The following ANK1 variants were observed in gnomAD, a reference collection of about 807,000 sequenced individuals.
The protein encoded by ANK1 is ankyrin 1, also known as ankyrin-1.
In ANK1, 51 loss-of-function variants were observed where a neutral mutation model predicts 210.4. The ratio of observed to expected loss-of-function variants is 0.24; its 90% CI spans 0.19 to 0.31. The LOEUF (loss-of-function observed/expected upper bound fraction) is 0.31, where lower values mean the gene tolerates loss of function less well. Ranked by LOEUF, ANK1 falls within the 10% of genes least tolerant of loss-of-function variation. The pLI, the probability that ANK1 is intolerant of heterozygous loss-of-function variation, is 1.00. For synonymous variants in ANK1, 967 were observed against 1,025.9 expected, an observed-to-expected ratio of 0.94 and a Z score of 1.10; for missense variants, 2,051 against 2,504.4, an observed-to-expected ratio of 0.82 and a Z score of 3.86.
chr8:41,711,287 A>G (rs1329859113), intron 16 of ANK1, among the ~76,000 whole-genome samples: 1 of 152,178 alleles, frequency 6.6e-6, no homozygotes, highest in African/African-American at 2.4e-5. Flanking sequence ...TAAAACCCTA[A>G]GCCCCACACA....
At chr8:41,864,553 T>C (rs1813965820) in intron 1 of ANK1, among the ~76,000 whole-genome samples, 1 of 152,204 alleles carries the variant, frequency 6.6e-6, no homozygotes, top group South Asian at 2.1e-4. Flanking sequence ...CAGAATTTAC[T>C]GACTGGTAAC....
chr8:41,660,106 C>A (rs1807416272), intron 42 of ANK1, among the ~76,000 whole-genome samples: 1 of 152,138 alleles, frequency 6.6e-6, no homozygotes, highest in Admixed American at 6.5e-5. Flanking sequence ...TACTCAGAGT[C>A]TTCTAAACCA....
At chr8:41,749,730 A>G (rs895770343) in intron 2 of ANK1, among the ~76,000 whole-genome samples, 2 of 151,980 alleles carry the variant, frequency 1.3e-5, no homozygotes, top group African/African-American at 2.4e-5. Flanking sequence ...CTCTTGCCTC[A>G]GCCTCCTGAG....
intron 1 of ANK1, among the ~76,000 whole-genome samples, chr8:41,843,661 A>G (rs1809464294): frequency 6.6e-6 from 1 of 152,182 alleles, no homozygotes; most frequent in African/African-American, 2.4e-5. Context: ...AGGGACTGGC[A>G]GACACTAACT....
At chr8:41,714,356 T>C (rs1477277384) in intron 15 of ANK1, 102 bp from the exon 16 acceptor site, 6 of 896,518 alleles carry the variant, frequency 6.7e-6, no homozygotes, top group South Asian at 5.7e-5. Context: ...AGTAAAATCC[T>C]GTTTAAAATC....
Position 41,774,760 on chromosome 8 carries a change from C to A in ANK1, c.28-16623G>T, listed in dbSNP as rs78079105. ...CCGCATCACCAAGCACCCTGGCCCA[C>A]GCCGCAGAGCATGCCACATTTCCCC... On this transcript the variant is annotated intron_variant, in intron 1 of 42. Coordinates refer to ENST00000289734, the MANE Select transcript of ANK1 (RefSeq NM_000037.4). 1.0e-2 allele frequency among the ~76,000 whole-genome samples: 1,516 copies of A among 152,360 alleles called. 14 individuals are homozygous for A. Among genetic ancestry groups the A allele is most frequent in the Non-Finnish European group, 0.015 (1,040 of 68,034 alleles).
chr8:41,784,216 A>C (rs1298392600), intron 1 of ANK1, among the ~76,000 whole-genome samples: 1 of 152,060 alleles, frequency 6.6e-6, no homozygotes, highest in Non-Finnish European at 1.5e-5. Flanking sequence ...AGCTTTGAAC[A>C]CTTCACTATA....
chr8:41,811,245 C>A (rs1802438876), intron 1 of ANK1, among the ~76,000 whole-genome samples: 2 of 152,254 alleles, frequency 1.3e-5, no homozygotes, highest in Admixed American at 6.5e-5. Context: ...AGGAAGGGAG[C>A]GGGGGTTTCA....
chr8:41,871,774 C>T lies in ANK1; in HGVS notation c.126+24581G>A, dbSNP rs1027319073. ...TTATGCCAGCCCTAGCAAGCTAAGA[C>T]GCCATGCATCTCAGCTCTGATAGAA... is the stretch of plus-strand genomic sequence containing the variant. On this transcript the variant is annotated intron_variant, in intron 1 of 42. Transcript: ENST00000265709. 3.3e-5 allele frequency among the ~76,000 whole-genome samples: 5 copies of T among 152,352 alleles called. No homozygotes were observed. In the South Asian group the frequency reaches 6.2e-4, roughly 19 times the overall value.
intron 13 of ANK1, among the ~76,000 whole-genome samples, chr8:41,716,260 TTG>T (rs1474811207): frequency 1.3e-5 from 2 of 151,970 alleles, no homozygotes; most frequent in East Asian, 1.9e-4. Context: ...GTGGATGCGC[TTG>T]TCTTTCTGCT....
chr8:41,758,640 C>A (rs1213563356), intron 1 of ANK1, among the ~76,000 whole-genome samples: 3 of 152,108 alleles, frequency 2.0e-5, no homozygotes, highest in Non-Finnish European at 4.4e-5. Flanking sequence ...CCGTGCCTGG[C>A]CCCCTTTTGG....
chr8:41,661,546 C>T lies in ANK1; in HGVS notation c.5563G>A (p.Gly1855Ser). 6.2e-7 allele frequency: 1 copy of T among 1,614,014 alleles called. No homozygotes were observed. Among genetic ancestry groups the T allele is most frequent in the South Asian group, 1.1e-5 (1 of 91,074 alleles). Residue 1855 changes from glycine (G) to serine (S), a missense_variant, in exon 42 of 43, where the codon GGC becomes AGC. Coordinates refer to ENST00000289734, the MANE Select transcript of ANK1 (RefSeq NM_000037.4). ...CCCTCTATCAGGTCCGGCTGTAGGC[C>T]ACTCCCTCTCAGCTCCACCTGCAGA... ...EHEEVELRGS[G>S]LQPDLIEGRK...
At chr8:41,811,453 C>T (rs1234439423) in intron 1 of ANK1, among the ~76,000 whole-genome samples, 1 of 152,232 alleles carries the variant, frequency 6.6e-6, no homozygotes, top group Non-Finnish European at 1.5e-5. Context: ...GGAAGTCCCT[C>T]CTCACACAGG....
chr8:41,725,350 G>A (rs1322358253), intron 6 of ANK1, among the ~76,000 whole-genome samples: 4 of 152,336 alleles, frequency 2.6e-5, no homozygotes, highest in Admixed American at 2.0e-4. Context: ...GCGTGCCCAG[G>A]TGCACGCAGG....
At chr8:41,814,829 C>T (rs967134840) in intron 1 of ANK1, among the ~76,000 whole-genome samples, 2 of 151,626 alleles carry the variant, frequency 1.3e-5, no homozygotes, top group Admixed American at 1.3e-4. Flanking sequence ...CTAGGAATTG[C>T]ATGTAATAAC....
chr8:41,688,704 A>C, intron 33 of ANK1, 115 bp from the exon 34 acceptor site: 1 of 881,052 alleles, frequency 1.1e-6, no homozygotes, highest in African/African-American at 1.7e-5. Flanking sequence ...CCTGGTAAAC[A>C]ATCAGTCCGT....
At chr8:41,797,637 G>A (rs933042482), upstream of ANK1, 4 of 1,570,688 alleles carry the variant, frequency 2.5e-6, no homozygotes, top group Admixed American at 3.7e-5. The surrounding 1 kb of genome is among the most constrained non-coding windows in gnomAD (Gnocchi z 4.0). Flanking sequence ...GGCCTGTGAC[G>A]TGCGGGCCAG....
intron 16 of ANK1, among the ~76,000 whole-genome samples, chr8:41,713,901 T>C (rs1826866609): frequency 6.6e-6 from 1 of 152,198 alleles, no homozygotes; most frequent in South Asian, 2.1e-4. Context: ...ACATTTGTTG[T>C]ATAAAACAAG....
At chr8:41,879,544 G>A (rs1817211044) in intron 1 of ANK1, among the ~76,000 whole-genome samples, 1 of 152,212 alleles carries the variant, frequency 6.6e-6, no homozygotes, top group African/African-American at 2.4e-5. Flanking sequence ...CCAGAGAGAT[G>A]TAGGAAGGAG....
Sources: allele counts gnomAD v4.1 joint callset (sites outside exome capture counted in the v4.1 genomes callset), GRCh38; gene constraint gnomAD v4.1.1; non-coding constraint Gnocchi (gnomAD v3.1); transcripts MANE v1.5; gene names NCBI Gene and HGNC (gene_info 2026-07-23, HGNC 2026-07-21).